Variants in MYRIP observed in about 807,000 individuals in gnomAD.
MYRIP encodes the protein rab effector MyRIP.
In MYRIP, 49 loss-of-function variants were observed where a neutral mutation model predicts 98.0. The observed-to-expected ratio is 0.50, with a 90% CI of 0.40 to 0.63. The LOEUF (loss-of-function observed/expected upper bound fraction) is 0.63, where lower values mean the gene tolerates loss of function less well. Among genes scored for constraint, MYRIP ranks in the 30% least tolerant of loss-of-function variants. The pLI is 0.00. For missense variants in MYRIP, 1,004 were observed against 1,058.2 expected (o/e 0.95, Z 0.71); for synonymous variants, 404 against 409.5 (o/e 0.99, Z 0.16).
chr3:40,136,237 G>A (rs1432408781), intron 3 of MYRIP, among the ~76,000 whole-genome samples: 1 of 152,182 alleles, frequency 6.6e-6, no homozygotes, highest in African/African-American at 2.4e-5. Flanking sequence ...TGCAATCCTA[G>A]TCTCTGATAA....
intron 12 of MYRIP, among the ~76,000 whole-genome samples, chr3:40,236,820 G>C (rs982024836): frequency 1.3e-5 from 2 of 151,922 alleles, no homozygotes; most frequent in African/African-American, 4.8e-5. Flanking sequence ...GCTGTTCCCA[G>C]AAATCAGGAA....
intron 1 of MYRIP, among the ~76,000 whole-genome samples, chr3:39,855,937 C>T (rs1053893676): frequency 6.6e-6 from 1 of 152,132 alleles, no homozygotes; most frequent in African/African-American, 2.4e-5. Context: ...TCTTGAGGCC[C>T]CCTGTGAGAT....
At chr3:39,945,494 A>AAG (rs1559531690) in intron 2 of MYRIP, among the ~76,000 whole-genome samples, 1 of 148,316 alleles carries the variant, frequency 6.7e-6, no homozygotes, top group African/African-American at 2.5e-5. Flanking sequence ...AAAAAAAAGA[A>AAG]AAAAGAAAAA....
At chr3:39,859,678 T>A (rs1056663351) in intron 1 of MYRIP, among the ~76,000 whole-genome samples, 3 of 152,218 alleles carry the variant, frequency 2.0e-5, no homozygotes, top group Non-Finnish European at 4.4e-5. Flanking sequence ...GTTAAGCATG[T>A]CAAGGGATCT....
At chr3:40,055,797 G>A (rs1049721736) in intron 3 of MYRIP, among the ~76,000 whole-genome samples, 15 of 152,078 alleles carry the variant, frequency 9.9e-5, no homozygotes, top group African/African-American at 3.6e-4. Context: ...CTCTACTCTG[G>A]CCAGTCTTGG....
chr3:39,908,053 ATG>A (rs1943922373), intron 2 of MYRIP, among the ~76,000 whole-genome samples: 2 of 152,184 alleles, frequency 1.3e-5, no homozygotes, highest in Admixed American at 1.3e-4. Context: ...CTCATTTACT[ATG>A]TGCTTGCCAA....
chr3:40,034,468 A>G (rs1044865600), intron 2 of MYRIP, among the ~76,000 whole-genome samples: 12 of 152,088 alleles, frequency 7.9e-5, no homozygotes, highest in Non-Finnish European at 1.5e-4. Context: ...AGACACATGA[A>G]AAAATGCTCA....
At chr3:40,150,006 AG>A (rs1490921356) in intron 3 of MYRIP, among the ~76,000 whole-genome samples, 1 of 152,224 alleles carries the variant, frequency 6.6e-6, no homozygotes, top group Non-Finnish European at 1.5e-5. Context: ...AAATAAGAAA[AG>A]CAGCTGTTTT....
At chr3:40,061,521 T>C in intron 3 of MYRIP, among the ~76,000 whole-genome samples, 1 of 152,268 alleles carries the variant, frequency 6.6e-6, no homozygotes, top group East Asian at 1.9e-4. Flanking sequence ...TCTTTGCTAT[T>C]GTGAATAGTG....
At chr3:40,082,518 T>C (rs988027637) in intron 3 of MYRIP, among the ~76,000 whole-genome samples, 1 of 152,200 alleles carries the variant, frequency 6.6e-6, no homozygotes, top group African/African-American at 2.4e-5. Context: ...AATAATGAAC[T>C]CCAAGATTAT....
At chr3:39,953,017 A>T (rs772867009) in intron 2 of MYRIP, among the ~76,000 whole-genome samples, 1 of 152,030 alleles carries the variant, frequency 6.6e-6, no homozygotes, top group Non-Finnish European at 1.5e-5. Flanking sequence ...TCACAGCTTC[A>T]TTGTCTTCCC....
intron 3 of MYRIP, among the ~76,000 whole-genome samples, chr3:40,149,448 A>G (rs1477226533): frequency 6.6e-6 from 1 of 152,238 alleles, no homozygotes; most frequent in Non-Finnish European, 1.5e-5. Context: ...AATTGGGACA[A>G]ATATCCAAAC....
At chr3:40,062,596 T>C (rs1948041252) in intron 3 of MYRIP, among the ~76,000 whole-genome samples, 1 of 152,252 alleles carries the variant, frequency 6.6e-6, no homozygotes. Flanking sequence ...TTTTGACTAA[T>C]AATCAGATAA....
intron 2 of MYRIP, among the ~76,000 whole-genome samples, chr3:40,006,585 C>T (rs1946641140): frequency 6.6e-6 from 1 of 152,030 alleles, no homozygotes; most frequent in Non-Finnish European, 1.5e-5. Flanking sequence ...GGTGGAGGGA[C>T]CATTAACCGA....
intron 2 of MYRIP, among the ~76,000 whole-genome samples, chr3:39,903,631 A>G (rs1380451100): frequency 6.6e-6 from 1 of 152,236 alleles, no homozygotes; most frequent in Non-Finnish European, 1.5e-5. Context: ...ACTAAAATGT[A>G]TAAAGCAGTC....
intron 8 of MYRIP, among the ~76,000 whole-genome samples, chr3:40,179,967 T>C (rs1950848962): frequency 2.0e-5 from 3 of 152,318 alleles, no homozygotes; most frequent in Admixed American, 2.0e-4. Context: ...ATCTCTATCC[T>C]CTCTGAAAGC....
chr3:39,979,655 C>CAAAAAAAAAAA (rs56328162), intron 2 of MYRIP, among the ~76,000 whole-genome samples: 31 of 131,080 alleles, frequency 2.4e-4, no homozygotes, highest in South Asian at 2.4e-4. Flanking sequence ...CAAAACAAAA[C>CAAAAAAAAAAA]AAAAAAAAAA....
intron 1 of MYRIP, among the ~76,000 whole-genome samples, chr3:39,891,028 G>A (rs1341863348): frequency 1.3e-5 from 2 of 151,902 alleles, no homozygotes; most frequent in Admixed American, 6.6e-5. Flanking sequence ...AACTTTCCAC[G>A]TATATTTGGT....
chr3:39,863,173 G>T (rs1942520775), intron 1 of MYRIP, among the ~76,000 whole-genome samples: 1 of 152,030 alleles, frequency 6.6e-6, no homozygotes, highest in Non-Finnish European at 1.5e-5. Context: ...TAAGAGGGAA[G>T]TTTATGGCAC....
Sources: allele counts gnomAD v4.1 joint callset (sites outside exome capture counted in the v4.1 genomes callset), GRCh38; gene constraint gnomAD v4.1.1; transcripts MANE v1.5; gene names NCBI Gene and HGNC (gene_info 2026-07-23, HGNC 2026-07-21).